CALN1: variants seen among roughly 807,000 people sequenced by gnomAD.
The protein encoded by CALN1 is calneuron 1.
A neutral mutation model predicts 30.6 loss-of-function variants in CALN1; 17 were observed. That is an observed-to-expected ratio of 0.56 (90% CI 0.38 to 0.83). The LOEUF (loss-of-function observed/expected upper bound fraction) is 0.83, where lower values mean the gene tolerates loss of function less well. CALN1 is among the 40% of genes least tolerant of loss of function. The pLI is 0.00. For synonymous variants in CALN1, 156 were observed against 131.4 expected, an observed-to-expected ratio of 1.19 and a Z score of -1.28; for missense variants, 291 against 354.9, an observed-to-expected ratio of 0.82 and a Z score of 1.45.
chr7:72,345,653 T>C (rs1352243694), intron 2 of CALN1, among the ~76,000 whole-genome samples: 1 of 151,992 alleles, frequency 6.6e-6, no homozygotes, highest in Non-Finnish European at 1.5e-5. Context: ...TTGGAGTCTA[T>C]AACCTCCCTA....
chr7:71,875,141 G>T (rs995215261), intron 5 of CALN1, among the ~76,000 whole-genome samples: 1 of 143,846 alleles, frequency 7.0e-6, no homozygotes. Flanking sequence ...CTCCAGCCTG[G>T]GTAAAGGAGA....
intron 5 of CALN1, among the ~76,000 whole-genome samples, chr7:71,993,560 G>A (rs1329109386): frequency 1.3e-5 from 2 of 151,580 alleles, no homozygotes; most frequent in African/African-American, 2.4e-5. Context: ...GGGTTCAAGC[G>A]ATTCTCCTGC....
chr7:71,911,602 G>A (rs925613492), intron 5 of CALN1, among the ~76,000 whole-genome samples: 1 of 152,112 alleles, frequency 6.6e-6, no homozygotes, highest in African/African-American at 2.4e-5. Flanking sequence ...AGAACTTCAG[G>A]AGCTGGGCAG....
chr7:72,031,922 T>G (rs1801470777), intron 4 of CALN1, among the ~76,000 whole-genome samples: 1 of 151,630 alleles, frequency 6.6e-6, no homozygotes, highest in African/African-American at 2.4e-5. Flanking sequence ...TTTGTATTTT[T>G]AGTAAAGACA....
At chr7:72,397,714 T>TCTCTCACACACACACACA (rs142607076) in intron 2 of CALN1, among the ~76,000 whole-genome samples, 3 of 142,914 alleles carry the variant, frequency 2.1e-5, no homozygotes, top group East Asian at 2.1e-4. Context: ...CCATTCTCTC[T>TCTCTCACACACACACACA]CACACACACA....
At chr7:72,333,236 C>T (rs1319159149) in intron 2 of CALN1, among the ~76,000 whole-genome samples, 1 of 152,242 alleles carries the variant, frequency 6.6e-6, no homozygotes, top group Non-Finnish European at 1.5e-5. Context: ...TCTCTGTTCA[C>T]AAATGTTCAA....
At chr7:72,414,708 C>A (rs568793636), upstream of CALN1, among the ~76,000 whole-genome samples, 12 of 152,284 alleles carry the variant, frequency 7.9e-5, no homozygotes, top group African/African-American at 2.6e-4. Flanking sequence ...AGCTCTGTAC[C>A]CCTCTCTGTT....
chr7:71,911,154 T>C (rs925438791), intron 5 of CALN1, among the ~76,000 whole-genome samples: 1 of 152,138 alleles, frequency 6.6e-6, no homozygotes, highest in African/African-American at 2.4e-5. Flanking sequence ...CATTTTGGGA[T>C]TGCTGAAACA....
chr7:71,908,304 C>T (rs1387249958), intron 5 of CALN1, among the ~76,000 whole-genome samples: 7 of 151,954 alleles, frequency 4.6e-5, no homozygotes, highest in Non-Finnish European at 1.0e-4. Context: ...CTATATAATT[C>T]TTTTTAAAAT....
chr7:71,832,725 T>C (rs2116428082), intron 5 of CALN1, among the ~76,000 whole-genome samples: 1 of 152,010 alleles, frequency 6.6e-6, no homozygotes, highest in Admixed American at 6.6e-5. Context: ...CTCAGCCTCC[T>C]GAGTAGCTGA....
At chr7:72,024,357 C>G (rs1299074584) in intron 4 of CALN1, among the ~76,000 whole-genome samples, 1 of 152,172 alleles carries the variant, frequency 6.6e-6, no homozygotes, top group African/African-American at 2.4e-5. Context: ...GAGTTTAATT[C>G]CCCAAGACCA....
chr7:72,350,970 A>C (rs1231114926), intron 2 of CALN1, among the ~76,000 whole-genome samples: 1 of 151,704 alleles, frequency 6.6e-6, no homozygotes, highest in East Asian at 2.0e-4. Flanking sequence ...GTGAAACCCC[A>C]TCTCTACTAA....
At chr7:72,451,145 G>GA (rs1808647256), upstream of CALN1, among the ~76,000 whole-genome samples, 1 of 149,798 alleles carries the variant, frequency 6.7e-6, no homozygotes, top group Non-Finnish European at 1.5e-5. Context: ...AGAAGAAGGA[G>GA]AAGGAGAAGA....
chr7:71,991,703 C>G (rs1798963269), intron 5 of CALN1, among the ~76,000 whole-genome samples: 1 of 152,166 alleles, frequency 6.6e-6, no homozygotes, highest in African/African-American at 2.4e-5. Flanking sequence ...AAACAAGGGA[C>G]AGATACTTAA....
chr7:72,278,550 C>T lies in CALN1; in HGVS notation c.244+136G>A, dbSNP rs905814739. 24 of 1,148,162 alleles carry T rather than the reference C, an allele frequency of 2.1e-5. No homozygotes were observed. The Admixed American group carries it at 4.7e-4, about 23-fold the overall frequency. 71.1% of individuals were successfully genotyped at this position (1,148,162 alleles called of 1,614,324 possible). ...CAAAACTTTGTCTCTGAACTCTTTC[C>T]CATTATGCCATGGCTACACTTGGCC... On this transcript the variant is annotated intron_variant, in intron 3 of 6. Transcript: ENST00000395275.
At chr7:72,455,872 G>C in the CALN1 span, among the ~76,000 whole-genome samples, 3 of 152,154 alleles carry the variant, frequency 2.0e-5, no homozygotes, top group Admixed American at 2.0e-4. Context: ...TGACAGTGAG[G>C]GAGAGGGGAA....
chr7:71,800,196 G>A (rs1787220935), intron 6 of CALN1, among the ~76,000 whole-genome samples: 1 of 152,162 alleles, frequency 6.6e-6, no homozygotes, highest in Non-Finnish European at 1.5e-5. Flanking sequence ...CTTCCAGTGA[G>A]CCCAGAAGTT....
chr7:72,097,302 G>C (rs1181222147), intron 4 of CALN1, among the ~76,000 whole-genome samples: 1 of 152,134 alleles, frequency 6.6e-6, no homozygotes, highest in Non-Finnish European at 1.5e-5. Flanking sequence ...AGAACTTAAA[G>C]TGTAAAAAAA....
intron 5 of CALN1, among the ~76,000 whole-genome samples, chr7:71,898,360 A>C (rs1793665883): frequency 6.6e-6 from 1 of 152,130 alleles, no homozygotes; most frequent in African/African-American, 2.4e-5. Flanking sequence ...AAAATATCCC[A>C]AAATTTAAAA....
Sources: allele counts gnomAD v4.1 joint callset (sites outside exome capture counted in the v4.1 genomes callset), GRCh38; gene constraint gnomAD v4.1.1; transcripts MANE v1.5; gene names NCBI Gene and HGNC (gene_info 2026-07-23, HGNC 2026-07-21).